CSMD1: variants seen among roughly 807,000 people sequenced by gnomAD.
CSMD1 encodes the protein CUB and Sushi multiple domains 1.
CSMD1 carries 213 observed loss-of-function variants against 417.5 expected under a neutral mutation model. The ratio of observed to expected loss-of-function variants is 0.51; its 90% confidence interval spans 0.46 to 0.57. CSMD1 has a LOEUF of 0.57. Among genes scored for constraint, CSMD1 ranks in the 20% least tolerant of loss-of-function variants. The pLI, the probability that CSMD1 is intolerant of heterozygous loss-of-function variation, is 0.00. For synonymous variants in CSMD1, 2,862 were observed against 1,736.8 expected (o/e 1.65, Z -16.11); for missense variants, 6,923 against 4,529.7 (o/e 1.53, Z -15.17).
intron 10 of CSMD1, among the ~76,000 whole-genome samples, chr8:3,553,606 G>T (rs986755553): frequency 4.7e-4 from 72 of 152,300 alleles, no homozygotes; most frequent in African/African-American, 1.5e-3. Context: ...TAACTGTGAT[G>T]TCCCTCCCAG....
chr8:4,236,838 T>G (rs1244493491), intron 3 of CSMD1, among the ~76,000 whole-genome samples: 1 of 152,164 alleles, frequency 6.6e-6, no homozygotes, highest in African/African-American at 2.4e-5. Flanking sequence ...AATATAGAAG[T>G]CACTGAACAA....
chr8:4,489,973 G>A (rs1235904092), intron 2 of CSMD1, among the ~76,000 whole-genome samples: 2 of 151,596 alleles, frequency 1.3e-5, no homozygotes, highest in African/African-American at 4.9e-5. Context: ...GGAAGTGAAT[G>A]CCAATTGCCT....
At chr8:3,921,805 A>C (rs1015062436) in intron 5 of CSMD1, among the ~76,000 whole-genome samples, 2 of 152,198 alleles carry the variant, frequency 1.3e-5, no homozygotes, top group Non-Finnish European at 2.9e-5. Flanking sequence ...GGCCTAACAT[A>C]TGATCTATCC....
intron 2 of CSMD1, among the ~76,000 whole-genome samples, chr8:4,452,383 C>A (rs1384410868): frequency 2.0e-5 from 3 of 152,152 alleles, no homozygotes; most frequent in African/African-American, 4.8e-5. Flanking sequence ...AAGGCGTAGC[C>A]TCGAGGGCTT....
chr8:3,271,145 T>C (rs1047220615), intron 26 of CSMD1, among the ~76,000 whole-genome samples: 3 of 146,422 alleles, frequency 2.0e-5, no homozygotes, highest in Non-Finnish European at 4.5e-5. Context: ...GTTCTCATTG[T>C]TCAGTTCCCA....
At chr8:4,884,110 G>A (rs183663267) in intron 1 of CSMD1, among the ~76,000 whole-genome samples, 289 of 152,082 alleles carry the variant, frequency 1.9e-3, no homozygotes, top group Admixed American at 4.8e-3. Flanking sequence ...TCCAGAAGGT[G>A]ATCTGTCTAC....
At chr8:4,251,269 C>G (rs541770689) in intron 3 of CSMD1, among the ~76,000 whole-genome samples, 1 of 152,078 alleles carries the variant, frequency 6.6e-6, no homozygotes, top group South Asian at 2.1e-4. Flanking sequence ...ATATGGAAGG[C>G]TTTTTAAAAA....
At position 4,513,144 on chromosome 8, in the gene CSMD1, G is replaced by A. The variant is rs190105117; in HGVS notation, c.303-93079C>T. ...AAGAGTGCGCTCCAATGTAAACTAT[G>A]GGCTTTGGTTAATCGAAATATGTCA... On this transcript the variant is annotated intron_variant, in intron 2 of 69. Coordinates refer to ENST00000635120, the MANE Select transcript of CSMD1 (RefSeq NM_033225.6). Among the ~76,000 whole-genome samples, 6 of 152,254 alleles carry A rather than the reference G, an allele frequency of 3.9e-5. No individual in the cohort carries two copies. In the East Asian group the frequency reaches 1.2e-3, roughly 29 times the overall value.
At chr8:3,785,979 G>A (rs1012362729) in intron 5 of CSMD1, among the ~76,000 whole-genome samples, 1 of 152,202 alleles carries the variant, frequency 6.6e-6, no homozygotes, top group Non-Finnish European at 1.5e-5. Context: ...GTTTTCCCCA[G>A]GAGACCTGAG....
chr8:3,791,535 C>G (rs1427254831), intron 5 of CSMD1, among the ~76,000 whole-genome samples: 1 of 152,100 alleles, frequency 6.6e-6, no homozygotes, highest in Non-Finnish European at 1.5e-5. Flanking sequence ...TTAAAATTAC[C>G]TTAACAGGCC....
chr8:4,534,185 A>G (rs1271949839), intron 2 of CSMD1, among the ~76,000 whole-genome samples: 1 of 152,170 alleles, frequency 6.6e-6, no homozygotes, highest in African/African-American at 2.4e-5. Context: ...TTCGCTAGGG[A>G]GCACAATTTA....
intron 41 of CSMD1, among the ~76,000 whole-genome samples, chr8:3,121,263 A>G (rs1466102820): frequency 1.3e-5 from 2 of 152,034 alleles, no homozygotes. Flanking sequence ...TCAGCAGGTT[A>G]AAAAAAATCC....
At chr8:3,308,541 G>C (rs1563255049) in intron 23 of CSMD1, 38 bp from the exon 24 acceptor site, 3 of 1,540,744 alleles carry the variant, frequency 1.9e-6, no homozygotes, top group Non-Finnish European at 2.7e-6. Context: ...CAGAACTCAA[G>C]GGTGGACATC....
At chr8:3,225,548 G>A (rs1297964617) in intron 27 of CSMD1, among the ~76,000 whole-genome samples, 2 of 152,042 alleles carry the variant, frequency 1.3e-5, no homozygotes, top group Non-Finnish European at 2.9e-5. Flanking sequence ...AGAGAAAGAA[G>A]GTACCTGAAG....
At chr8:4,951,198 A>G (rs1808722489) in intron 1 of CSMD1, among the ~76,000 whole-genome samples, 1 of 152,130 alleles carries the variant, frequency 6.6e-6, no homozygotes, top group Admixed American at 6.6e-5. Context: ...GGTAGCCTGC[A>G]ACATTCCATA....
At chr8:4,212,244 C>T (rs922289545) in intron 3 of CSMD1, among the ~76,000 whole-genome samples, 12 of 150,912 alleles carry the variant, frequency 8.0e-5, no homozygotes, top group African/African-American at 2.9e-4. Context: ...GCTAATTTTG[C>T]ATCCTTTAAC....
chr8:4,973,590 T>C (rs746820143), intron 1 of CSMD1, among the ~76,000 whole-genome samples: 109 of 152,186 alleles, frequency 7.2e-4, no homozygotes, highest in Non-Finnish European at 1.2e-3. Context: ...AACATAAAAT[T>C]GACTTAAAGT....
intron 50 of CSMD1, among the ~76,000 whole-genome samples, chr8:3,038,081 A>G (rs990454835): frequency 3.9e-5 from 6 of 152,060 alleles, no homozygotes; most frequent in African/African-American, 1.4e-4. Flanking sequence ...ATTTGAGCAG[A>G]CTTAGATCCT....
At chr8:3,744,986 G>C (rs763978438) in intron 6 of CSMD1, among the ~76,000 whole-genome samples, 2 of 152,188 alleles carry the variant, frequency 1.3e-5, no homozygotes, top group African/African-American at 2.4e-5. Flanking sequence ...AAAGCCTAGA[G>C]TAGCTGGGGC....
Sources: gnomAD v4.1 joint callset for allele counts (sites outside exome capture counted in the v4.1 genomes callset) on GRCh38, gnomAD v4.1.1 for gene constraint, MANE v1.5 for transcripts, NCBI Gene and HGNC (gene_info 2026-07-23, HGNC 2026-07-21) for gene names.